SPIN1: variants seen among roughly 807,000 people sequenced by gnomAD.
SPIN1 encodes the protein spindlin 1.
Under a neutral mutation model 26.0 loss-of-function variants are expected in SPIN1, and 3 were observed. The ratio of observed to expected loss-of-function variants is 0.12; its 90% CI spans 0.05 to 0.30. SPIN1 has a LOEUF of 0.30. Among genes scored for constraint, SPIN1 ranks in the 10% least tolerant of loss-of-function variants. The pLI is 1.00. For synonymous variants in SPIN1, 101 were observed against 116.5 expected (o/e 0.87, Z 0.86); for missense variants, 126 against 333.4 (o/e 0.38, Z 4.84).
intron 2 of SPIN1, among the ~76,000 whole-genome samples, chr9:88,447,599 A>G (rs1429815862): frequency 6.6e-6 from 1 of 152,224 alleles, no homozygotes; most frequent in Non-Finnish European, 1.5e-5. Flanking sequence ...GAATCTGAAC[A>G]GCTGTCCCTT....
chr9:88,411,959 C>T (rs1457966356), intron 1 of SPIN1, among the ~76,000 whole-genome samples: 1 of 150,768 alleles, frequency 6.6e-6, no homozygotes, highest in African/African-American at 2.4e-5. Flanking sequence ...ATCACGAGGT[C>T]AGGAGATCGA....
chr9:88,424,114 G>A (rs79402667), intron 1 of SPIN1, among the ~76,000 whole-genome samples: 1 of 152,258 alleles, frequency 6.6e-6, no homozygotes, highest in East Asian at 1.9e-4. Context: ...AGTGGTAAAT[G>A]TATACAGAGA....
intron 1 of SPIN1, among the ~76,000 whole-genome samples, chr9:88,402,510 C>CTTT (rs201771271): frequency 3.9e-4 from 54 of 139,652 alleles, no homozygotes; most frequent in South Asian, 1.6e-3. Flanking sequence ...ATGAGGTCAA[C>CTTT]TTTTTTTTTT....
intron 1 of SPIN1, among the ~76,000 whole-genome samples, chr9:88,414,973 G>A (rs769471047): frequency 1.3e-4 from 20 of 151,932 alleles, no homozygotes; most frequent in East Asian, 1.9e-4. Context: ...GCATGATCTC[G>A]GCTCACTGCA....
intron 1 of SPIN1, among the ~76,000 whole-genome samples, chr9:88,395,665 C>T (rs1827037859): frequency 6.6e-6 from 1 of 151,958 alleles, no homozygotes; most frequent in African/African-American, 2.4e-5. Context: ...CCAGGATGAT[C>T]TTGAACTCCT....
chr9:88,406,373 C>G (rs906621577), intron 1 of SPIN1, among the ~76,000 whole-genome samples: 1 of 151,252 alleles, frequency 6.6e-6, no homozygotes, highest in Non-Finnish European at 1.5e-5. Context: ...TCACTGCAAG[C>G]TCCGCCTCCC....
chr9:88,455,573 ATTG>A (rs1184863800), intron 3 of SPIN1, among the ~76,000 whole-genome samples: 2 of 152,224 alleles, frequency 1.3e-5, no homozygotes, highest in African/African-American at 2.4e-5. Flanking sequence ...TCACCCAGAG[ATTG>A]TTAATAATTT....
chr9:88,430,479 T>G (rs1827847092), intron 2 of SPIN1, among the ~76,000 whole-genome samples: 1 of 152,198 alleles, frequency 6.6e-6, no homozygotes, highest in African/African-American at 2.4e-5. Context: ...GCATAGACAC[T>G]ATACTTGATG....
chr9:88,449,682 A>T lies in SPIN1; in HGVS notation c.101+693A>T, dbSNP rs145548915. Among the ~76,000 whole-genome samples, 308 of 152,274 alleles carry T rather than the reference A, an allele frequency of 2.0e-3. 1 individual carries two copies. The highest frequency in any genetic ancestry group is 7.0e-3 in the African/African-American group (292 of 41,558). ...ACTTTTACTTTATTATATCTAATAGATTTCACAACTATCTATCCTATACTG... is the reference window on the plus strand; with the variant it reads ...ACTTTTACTTTATTATATCTAATAGTTTTCACAACTATCTATCCTATACTG... On this transcript the variant is annotated intron_variant, in intron 3 of 5. Transcript: ENST00000375859.
intron 1 of SPIN1, among the ~76,000 whole-genome samples, chr9:88,403,516 C>G (rs569217749): frequency 6.6e-6 from 1 of 152,140 alleles, no homozygotes; most frequent in Admixed American, 6.5e-5. Flanking sequence ...TGAGACCAGC[C>G]TGGGCAACAT....
chr9:88,456,923 A>C (rs1216651602), intron 3 of SPIN1, among the ~76,000 whole-genome samples: 4 of 152,190 alleles, frequency 2.6e-5, no homozygotes, highest in African/African-American at 9.7e-5. Context: ...TTAAAAAGAA[A>C]AACCATTCGA....
chr9:88,453,476 G>A (rs981023024), intron 3 of SPIN1, among the ~76,000 whole-genome samples: 1 of 151,790 alleles, frequency 6.6e-6, no homozygotes, highest in Non-Finnish European at 1.5e-5. Context: ...GATCTTCAGA[G>A]GATTCACATG....
chr9:88,419,264 T>C (rs1827628888), intron 1 of SPIN1, among the ~76,000 whole-genome samples: 1 of 152,174 alleles, frequency 6.6e-6, no homozygotes, highest in Admixed American at 6.6e-5. Flanking sequence ...CTCATTCTGA[T>C]TTCCTGTTCT....
Position 88,451,501 on chromosome 9 carries a change from T to C in SPIN1, c.101+2512T>C, listed in dbSNP as rs142831855. ...TTGGGTGAAACTGGTGGATACACCT[T>C]TCTGGGCTGTCCATGATTTGGGACA... is the stretch of plus-strand genomic sequence containing the variant. On this transcript the variant is annotated intron_variant, in intron 3 of 5. Transcript: ENST00000375859. 7.3e-3 allele frequency among the ~76,000 whole-genome samples: 1,119 copies of C among 152,314 alleles called. 12 individuals are homozygous for C. Among genetic ancestry groups the C allele is most frequent in the African/African-American group, 0.025 (1,048 of 41,578 alleles).
chr9:88,448,924 A>T lies in SPIN1; in HGVS notation c.53-17A>T, dbSNP rs772674877. ...TTTATCTGGTTTTCATTGACTATAT[A>T]CTCATCTCTCTTACAGGCCATGCTG... On this transcript the variant is annotated splice_polypyrimidine_tract_variant and intron_variant, in intron 2 of 5. Coordinates refer to ENST00000375859, the MANE Select transcript of SPIN1 (RefSeq NM_006717.3). 2.5e-6 allele frequency: 4 copies of T among 1,612,298 alleles called. No homozygotes were observed. The African/African-American group carries it at 5.4e-5, about 22-fold the overall frequency.
At chr9:88,449,613 C>A (rs1206530046) in intron 3 of SPIN1, among the ~76,000 whole-genome samples, 1 of 151,636 alleles carries the variant, frequency 6.6e-6, no homozygotes, top group Non-Finnish European at 1.5e-5. Flanking sequence ...ATAGTTACAT[C>A]CAAAAAAGAA....
At chr9:88,410,240 T>TA (rs1827412495) in intron 1 of SPIN1, among the ~76,000 whole-genome samples, 1 of 151,728 alleles carries the variant, frequency 6.6e-6, no homozygotes, top group South Asian at 2.1e-4. Context: ...ATCAGACTAT[T>TA]ACATTTAGCA....
chr9:88,410,689 T>G (rs1460756014), intron 1 of SPIN1: 5 of 1,401,180 alleles, frequency 3.6e-6, no homozygotes, highest in Admixed American at 1.7e-5. Flanking sequence ...ATTTGAAGAC[T>G]GATTGTTGTA....
rs1828870099 is a variant in SPIN1 at position 88,475,361 on chromosome 9, A to G, written c.*84A>G. On this transcript the variant is annotated 3_prime_UTR_variant, in exon 6 of 6. Transcript: ENST00000375859. ...AAAGACTTGATTGCTTTCCAGTTTA[A>G]TGAAAGCTTAAATGTCCCTGCGAAC... The G allele has an allele frequency of 6.4e-6, 9 of 1,407,900 alleles. No individual in the cohort carries two copies. Among genetic ancestry groups the G allele is most frequent in the Non-Finnish European group, 7.8e-6 (8 of 1,020,736 alleles). 87.2% of individuals were successfully genotyped at this position (1,407,900 alleles called of 1,614,324 possible).
Sources: allele counts gnomAD v4.1 joint callset (sites outside exome capture counted in the v4.1 genomes callset), GRCh38; gene constraint gnomAD v4.1.1; transcripts MANE v1.5; gene names NCBI Gene and HGNC (gene_info 2026-07-23, HGNC 2026-07-21).